Variants in RAP1GDS1 observed in about 807,000 individuals in gnomAD.
RAP1GDS1 encodes RAP1, GTP-GDP dissociation stimulator 1.
Under a neutral mutation model 71.1 loss-of-function variants are expected in RAP1GDS1, and 35 were observed. The ratio of observed to expected loss-of-function variants is 0.49; its 90% CI spans 0.38 to 0.65. The LOEUF (loss-of-function observed/expected upper bound fraction) is 0.65. Among genes scored for constraint, RAP1GDS1 ranks in the 30% least tolerant of loss-of-function variants. The pLI, the probability that RAP1GDS1 is intolerant of heterozygous loss-of-function variation, is 0.00. For synonymous variants in RAP1GDS1, 229 were observed against 243.1 expected (o/e 0.94, Z 0.54); for missense variants, 663 against 706.1 (o/e 0.94, Z 0.69).
chr4:98,442,546 G>T lies in RAP1GDS1; in HGVS notation c.*429G>T, dbSNP rs1370781728. ...AATTGGAAAAATAGCTCCATTTTTTGGTGCTTGGGAAGCACAGTGACCAAA... is the reference window on the plus strand; with the variant it reads ...AATTGGAAAAATAGCTCCATTTTTTTGTGCTTGGGAAGCACAGTGACCAAA... On this transcript the variant is annotated 3_prime_UTR_variant, in exon 15 of 15. Transcript: ENST00000408927. 8 of 228,456 alleles carry T rather than the reference G, an allele frequency of 3.5e-5. No homozygotes were observed. Among genetic ancestry groups the T allele is most frequent in the Non-Finnish European group, 1.7e-5 (2 of 115,094 alleles). The allele number at this position is 228,456 out of a possible 1,614,324, so 14.2% of individuals were successfully genotyped here.
At chr4:98,406,565 C>T (rs952254813) in intron 7 of RAP1GDS1, among the ~76,000 whole-genome samples, 7 of 151,908 alleles carry the variant, frequency 4.6e-5, no homozygotes, top group Non-Finnish European at 1.5e-5. Flanking sequence ...GACAAATCCA[C>T]AAATATTGTG....
intron 6 of RAP1GDS1, among the ~76,000 whole-genome samples, chr4:98,397,976 A>G (rs991396820): frequency 2.0e-5 from 3 of 152,136 alleles, no homozygotes; most frequent in East Asian, 1.9e-4. Context: ...AGATGACCCT[A>G]TAGGGAATCT....
intron 2 of RAP1GDS1, among the ~76,000 whole-genome samples, chr4:98,335,959 G>A (rs957694603): frequency 6.6e-6 from 1 of 152,068 alleles, no homozygotes; most frequent in Non-Finnish European, 1.5e-5. Flanking sequence ...GATAAACAGT[G>A]TATACTCCTA....
At chr4:98,275,030 G>T (rs951163159) in intron 1 of RAP1GDS1, among the ~76,000 whole-genome samples, 1 of 151,724 alleles carries the variant, frequency 6.6e-6, no homozygotes, top group South Asian at 2.1e-4. Flanking sequence ...GTGTGTGTGT[G>T]TGTGTGTGTG....
intron 3 of RAP1GDS1, among the ~76,000 whole-genome samples, chr4:98,349,493 A>G (rs1053044808): frequency 9.2e-5 from 14 of 152,160 alleles, no homozygotes; most frequent in Non-Finnish European, 2.9e-5. Flanking sequence ...GTTTTTTCCA[A>G]TTCTGTGAAG....
intron 2 of RAP1GDS1, among the ~76,000 whole-genome samples, chr4:98,321,904 A>G (rs1731986602): frequency 3.8e-5 from 2 of 52,852 alleles, no homozygotes; most frequent in East Asian, 5.0e-4. Context: ...GACAGGATCA[A>G]ATTCACACAT....
chr4:98,322,861 C>CAAT (rs1208229384), intron 2 of RAP1GDS1, among the ~76,000 whole-genome samples: 4 of 129,672 alleles, frequency 3.1e-5, no homozygotes, highest in African/African-American at 1.1e-4. Context: ...ATTAAAAGAA[C>CAAT]TAGAAAAGCA....
rs369611053 is a variant in RAP1GDS1, at chr4:98,416,866, C to G, written c.885C>G (p.Leu295=). 8.7e-5 allele frequency: 141 copies of G among 1,613,320 alleles called. No homozygotes were observed. Among genetic ancestry groups the G allele is most frequent in the Non-Finnish European group, 1.1e-4 (134 of 1,179,822 alleles). The part of the protein sequence containing the change: ...DITELKTGSD[L]MVLLLLGDES... ...CTGAGCTCAAAACTGGTTCAGATCT[C>G]ATGGTTTTATTACTTCTTGGAGGTG... The change falls in exon 8 of 15, where the codon CTC becomes CTG. Residue 295 remains leucine, a synonymous_variant. Coordinates refer to ENST00000408927, the MANE Select transcript of RAP1GDS1 (RefSeq NM_001100427.2).
At chr4:98,302,923 G>A (rs1388656549) in intron 2 of RAP1GDS1, among the ~76,000 whole-genome samples, 1 of 152,114 alleles carries the variant, frequency 6.6e-6, no homozygotes, top group Admixed American at 6.6e-5. Context: ...ATGCATGCCT[G>A]TAATCCTAGC....
intron 12 of RAP1GDS1, among the ~76,000 whole-genome samples, chr4:98,422,058 G>A (rs1297822437): frequency 2.6e-5 from 4 of 151,858 alleles, no homozygotes; most frequent in Admixed American, 2.0e-4. Flanking sequence ...AAATTAGCTG[G>A]GCGTGGTGGC....
At chr4:98,430,931 T>G (rs961579021) in intron 12 of RAP1GDS1, among the ~76,000 whole-genome samples, 8 of 152,210 alleles carry the variant, frequency 5.3e-5, no homozygotes, top group African/African-American at 1.9e-4. Flanking sequence ...CACTTTGCAG[T>G]GTATTCCTGT....
intron 1 of RAP1GDS1, among the ~76,000 whole-genome samples, chr4:98,272,977 T>C (rs1245996220): frequency 1.3e-5 from 2 of 152,216 alleles, no homozygotes; most frequent in Admixed American, 1.3e-4. Context: ...CTGCAAATGC[T>C]GAACTACCAG....
intron 12 of RAP1GDS1, among the ~76,000 whole-genome samples, chr4:98,433,394 C>T (rs1029893113): frequency 3.3e-5 from 5 of 151,970 alleles, no homozygotes; most frequent in Non-Finnish European, 7.4e-5. Flanking sequence ...CTCCCTGGCT[C>T]AAGCAGTCTC....
At chr4:98,336,637 A>G (rs891536780) in intron 2 of RAP1GDS1, among the ~76,000 whole-genome samples, 2 of 151,696 alleles carry the variant, frequency 1.3e-5, no homozygotes, top group Non-Finnish European at 2.9e-5. Context: ...CTTGCATTTC[A>G]TGTTCCTTTT....
intron 2 of RAP1GDS1, among the ~76,000 whole-genome samples, chr4:98,298,367 A>G (rs1051711224): frequency 2.0e-5 from 3 of 152,210 alleles, no homozygotes; most frequent in East Asian, 3.9e-4. Flanking sequence ...TAGGACTTTT[A>G]TAACTAGGGT....
chr4:98,434,460 T>C (rs541737701), intron 13 of RAP1GDS1, among the ~76,000 whole-genome samples: 1 of 152,070 alleles, frequency 6.6e-6, no homozygotes, highest in Admixed American at 6.6e-5. Flanking sequence ...CTACTACCGA[T>C]TCTTTCTTGC....
At chr4:98,385,281 A>G (rs1049331583) in intron 5 of RAP1GDS1, among the ~76,000 whole-genome samples, 1 of 151,782 alleles carries the variant, frequency 6.6e-6, no homozygotes, top group African/African-American at 2.4e-5. Context: ...AAATATTCAG[A>G]TAGTAACAAG....
At chr4:98,313,572 G>A (rs1423595970) in intron 2 of RAP1GDS1, among the ~76,000 whole-genome samples, 3 of 152,172 alleles carry the variant, frequency 2.0e-5, no homozygotes, top group Non-Finnish European at 4.4e-5. Context: ...GGCCTGGTGT[G>A]GTAGCTCACA....
intron 1 of RAP1GDS1, among the ~76,000 whole-genome samples, chr4:98,289,513 T>A (rs537916495): frequency 9.6e-5 from 14 of 145,590 alleles, no homozygotes; most frequent in Admixed American, 9.0e-4. Context: ...ATAATGTGAG[T>A]TGTAAAAGTT....
Sources: allele counts gnomAD v4.1 joint callset (sites outside exome capture counted in the v4.1 genomes callset), GRCh38; gene constraint gnomAD v4.1.1; transcripts MANE v1.5; gene names NCBI Gene and HGNC (gene_info 2026-07-23, HGNC 2026-07-21).